Variants in SLC9A9 observed in about 807,000 individuals in gnomAD.
SLC9A9 encodes the protein solute carrier family 9 member A9.
A neutral mutation model predicts 77.8 loss-of-function variants in SLC9A9; 62 were observed. The observed-to-expected ratio is 0.80, with a 90% CI of 0.65 to 0.98. The LOEUF is 0.98. Ranked by LOEUF, SLC9A9 falls within the 50% of genes least tolerant of loss-of-function variation. The pLI is 0.00. For synonymous variants in SLC9A9, 320 were observed against 283.5 expected (o/e 1.13, Z -1.29); for missense variants, 775 against 774.9 (o/e 1.00, Z 0.00).
At chr3:143,332,826 G>C (rs1004304214) in intron 14 of SLC9A9, among the ~76,000 whole-genome samples, 11 of 152,180 alleles carry the variant, frequency 7.2e-5, no homozygotes, top group African/African-American at 2.7e-4. Context: ...TACTCATATA[G>C]TACTACTCAT....
chr3:143,781,890 C>T (rs1171732563), intron 4 of SLC9A9, among the ~76,000 whole-genome samples: 1 of 152,188 alleles, frequency 6.6e-6, no homozygotes, highest in Non-Finnish European at 1.5e-5. Context: ...TAAAGCATCG[C>T]AGAGCTGTAG....
intron 14 of SLC9A9, among the ~76,000 whole-genome samples, chr3:143,356,955 T>G (rs920803830): frequency 6.6e-6 from 1 of 152,060 alleles, no homozygotes; most frequent in African/African-American, 2.4e-5. Flanking sequence ...GTATTCTAGG[T>G]GTTATTAACC....
chr3:143,808,113 A>C (rs1388722959), intron 2 of SLC9A9, among the ~76,000 whole-genome samples: 1 of 152,244 alleles, frequency 6.6e-6, no homozygotes, highest in African/African-American at 2.4e-5. Context: ...AATCACTTCT[A>C]GGTTTTTTGC....
chr3:143,697,680 G>T (rs907412792), intron 4 of SLC9A9, among the ~76,000 whole-genome samples: 1 of 134,820 alleles, frequency 7.4e-6, no homozygotes, highest in African/African-American at 2.8e-5. Context: ...AAACATGCAT[G>T]TGTGTGAGTA....
At chr3:143,407,696 C>T (rs2108517061) in intron 12 of SLC9A9, among the ~76,000 whole-genome samples, 1 of 152,258 alleles carries the variant, frequency 6.6e-6, no homozygotes, top group Admixed American at 6.5e-5. Flanking sequence ...AAGTCCATTC[C>T]AGTTCATGAC....
intron 6 of SLC9A9, among the ~76,000 whole-genome samples, chr3:143,641,636 G>A (rs1281614121): frequency 4.6e-5 from 7 of 151,978 alleles, no homozygotes; most frequent in Non-Finnish European, 5.9e-5. Flanking sequence ...CTCGTGATCC[G>A]CCAGCCTTGG....
At chr3:143,696,042 A>C (rs780753868) in intron 4 of SLC9A9, among the ~76,000 whole-genome samples, 12 of 152,144 alleles carry the variant, frequency 7.9e-5, no homozygotes, top group Non-Finnish European at 1.5e-4. Context: ...GATTCTGGAT[A>C]TTAGCCCTTT....
intron 11 of SLC9A9, among the ~76,000 whole-genome samples, chr3:143,470,195 T>G (rs1016274674): frequency 1.3e-5 from 2 of 151,958 alleles, no homozygotes; most frequent in African/African-American, 2.4e-5. Context: ...ACTTTCCGGC[T>G]GGGGGAGGGG....
rs574940795 is a variant in SLC9A9, at chr3:143,318,652, C to T, written c.1604+44832G>A. Among the ~76,000 whole-genome samples the T allele has an allele frequency of 7.9e-5, 12 of 152,284 alleles. No individual in the cohort carries two copies. In the East Asian group the frequency reaches 2.3e-3, roughly 29 times the overall value. On this transcript the variant is annotated intron_variant, in intron 14 of 15. Coordinates refer to ENST00000316549, the MANE Select transcript of SLC9A9 (RefSeq NM_173653.4). ...GGGTACGAACTTGCCAGAGTCCTCACCAGTTCTCCCTGACATGGAGTGGGG... is the reference window on the plus strand; with the variant it reads ...GGGTACGAACTTGCCAGAGTCCTCATCAGTTCTCCCTGACATGGAGTGGGG...
In SLC9A9 at chr3:143,584,118, C is replaced by T. The variant is rs572772137; in HGVS notation, c.756-5395G>A. ...GATGGCACCACAACAATGCCCTCCCCTCTGTGGCTCTGGCTGCCCTTCCAC... is the reference window on the plus strand; with the variant it reads ...GATGGCACCACAACAATGCCCTCCCTTCTGTGGCTCTGGCTGCCCTTCCAC... On this transcript the variant is annotated intron_variant, in intron 6 of 15. Coordinates refer to ENST00000316549, the MANE Select transcript of SLC9A9 (RefSeq NM_173653.4). Among the ~76,000 whole-genome samples, 40 of 152,250 alleles carry T rather than the reference C, an allele frequency of 2.6e-4. 1 individual carries two copies. Among genetic ancestry groups the T allele is most frequent in the Non-Finnish European group, 5.4e-4 (37 of 68,008 alleles).
At chr3:143,457,702 T>C (rs532875006) in intron 12 of SLC9A9, among the ~76,000 whole-genome samples, 1 of 152,320 alleles carries the variant, frequency 6.6e-6, no homozygotes, top group East Asian at 1.9e-4. Flanking sequence ...GATTTTATCT[T>C]TGACTCATGG....
At chr3:143,641,498 A>G (rs1432411072) in intron 6 of SLC9A9, among the ~76,000 whole-genome samples, 1 of 140,994 alleles carries the variant, frequency 7.1e-6, no homozygotes, top group African/African-American at 2.7e-5. Flanking sequence ...GGTTCATGCC[A>G]TTATCCTGCT....
rs537636529 is a variant in SLC9A9 at position 143,625,685 on chromosome 3, C to T, written c.755+26570G>A. 2.4e-3 allele frequency among the ~76,000 whole-genome samples: 373 copies of T among 152,280 alleles called. 1 individual carries two copies. The highest frequency in any genetic ancestry group is 8.8e-3 in the African/African-American group (365 of 41,550). ...CCCTAGAAGAAAACCTAGGCAATAC[C>T]ATTCAGGACATAAGCATGGGCAAAG... On this transcript the variant is annotated intron_variant, in intron 6 of 15. Transcript: ENST00000316549.
chr3:143,502,577 G>A (rs959920089), intron 9 of SLC9A9, among the ~76,000 whole-genome samples: 1 of 151,700 alleles, frequency 6.6e-6, no homozygotes, highest in Non-Finnish European at 1.5e-5. Context: ...TATTATTATG[G>A]TTCATAGGGA....
intron 5 of SLC9A9, among the ~76,000 whole-genome samples, chr3:143,666,035 A>C (rs1157430960): frequency 1.3e-5 from 2 of 152,240 alleles, no homozygotes; most frequent in African/African-American, 4.8e-5. Context: ...CTACAAAAAA[A>C]GAGACTTTTA....
chr3:143,316,241 T>A (rs533412073), intron 14 of SLC9A9, among the ~76,000 whole-genome samples: 17 of 152,348 alleles, frequency 1.1e-4, no homozygotes, highest in African/African-American at 4.1e-4. Context: ...TGGATTTCTT[T>A]CATTTTTGTC....
At chr3:143,426,381 C>T (rs1180560036) in intron 12 of SLC9A9, among the ~76,000 whole-genome samples, 7 of 152,310 alleles carry the variant, frequency 4.6e-5, no homozygotes, top group Non-Finnish European at 5.9e-5. Context: ...TTTGGCCCCA[C>T]AATTAAACCA....
chr3:143,450,051 A>ATATATGTATATATAAC (rs1559922056), intron 12 of SLC9A9, among the ~76,000 whole-genome samples: 1 of 105,692 alleles, frequency 9.5e-6, no homozygotes, highest in African/African-American at 4.0e-5. Context: ...GTATATATAC[A>ATATATGTATATATAAC]CACATATATA....
chr3:143,441,759 C>A (rs543706841), intron 12 of SLC9A9, among the ~76,000 whole-genome samples: 1 of 152,118 alleles, frequency 6.6e-6, no homozygotes, highest in Non-Finnish European at 1.5e-5. Context: ...TCCCCATCTC[C>A]GCCCTGTACT....
Sources: allele counts gnomAD v4.1 joint callset (sites outside exome capture counted in the v4.1 genomes callset), GRCh38; gene constraint gnomAD v4.1.1; transcripts MANE v1.5; gene names NCBI Gene and HGNC (gene_info 2026-07-23, HGNC 2026-07-21).